The following GHR variants were observed in gnomAD, a reference collection of about 807,000 sequenced individuals.
The protein encoded by GHR is growth hormone receptor, also known as GH receptor.
A neutral mutation model predicts 67.1 loss-of-function variants in GHR; 35 were observed. The observed-to-expected ratio is 0.52, with a 90% confidence interval of 0.40 to 0.69. The LOEUF (loss-of-function observed/expected upper bound fraction) is 0.69. Ranked by LOEUF, GHR falls within the 30% of genes least tolerant of loss-of-function variation. GHR has a pLI of 0.00. For missense variants in GHR, 792 were observed against 764.6 expected (o/e 1.04, Z -0.42); for synonymous variants, 272 against 269.1 (o/e 1.01, Z -0.10).
At chr5:42,628,270 C>G (rs997479014) in intron 2 of GHR, among the ~76,000 whole-genome samples, 1 of 151,506 alleles carries the variant, frequency 6.6e-6, no homozygotes, top group Non-Finnish European at 1.5e-5. Flanking sequence ...GACATGAAAA[C>G]GGAAATGCCT....
At chr5:42,519,698 A>G (rs1397397846) in intron 1 of GHR, among the ~76,000 whole-genome samples, 1 of 152,198 alleles carries the variant, frequency 6.6e-6, no homozygotes, top group African/African-American at 2.4e-5. Context: ...CATTTTAAAT[A>G]AAGTTGACCA....
chr5:42,436,106 T>G (rs1200593750), intron 1 of GHR, among the ~76,000 whole-genome samples: 1 of 152,218 alleles, frequency 6.6e-6, no homozygotes, highest in African/African-American at 2.4e-5. Context: ...GAACTGAGTC[T>G]GTACACTGTG....
At chr5:42,711,118 C>A in intron 6 of GHR, 89 bp from the exon 7 acceptor site, 1 of 950,178 alleles carries the variant, frequency 1.1e-6, no homozygotes, top group Non-Finnish European at 1.7e-6. Context: ...AAAATCCATT[C>A]TGAATAAAAA....
chr5:42,498,322 G>C (rs1391077452), intron 1 of GHR, among the ~76,000 whole-genome samples: 1 of 152,188 alleles, frequency 6.6e-6, no homozygotes, highest in African/African-American at 2.4e-5. Flanking sequence ...ATTCTCCCTT[G>C]AGTCTGGAGA....
intron 1 of GHR, among the ~76,000 whole-genome samples, chr5:42,472,737 T>C (rs954065220): frequency 1.3e-5 from 2 of 152,196 alleles, no homozygotes; most frequent in African/African-American, 4.8e-5. Context: ...CAGCCTGGCC[T>C]CTAAGGGAAA....
intron 4 of GHR, 36 bp downstream of exon 4, chr5:42,689,055 T>C: frequency 6.3e-7 from 1 of 1,583,420 alleles, no homozygotes; most frequent in Non-Finnish European, 8.7e-7. Flanking sequence ...TTCCTCTCCA[T>C]GGATGTACCT....
At chr5:42,538,492 G>A (rs989870711) in intron 1 of GHR, among the ~76,000 whole-genome samples, 99 of 152,272 alleles carry the variant, frequency 6.5e-4, no homozygotes, top group African/African-American at 2.3e-3. Context: ...TGAGGAGGCT[G>A]AAGATAGGGG....
chr5:42,672,288 C>A (rs1006839376), intron 3 of GHR, among the ~76,000 whole-genome samples: 1 of 152,164 alleles, frequency 6.6e-6, no homozygotes, highest in African/African-American at 2.4e-5. Flanking sequence ...TAAACAACTT[C>A]AGTAAAGTTT....
intron 3 of GHR, 107 bp downstream of exon 3, chr5:42,629,210 A>G (rs545400213): frequency 1.5e-6 from 1 of 684,472 alleles, no homozygotes; most frequent in Admixed American, 2.2e-5. Flanking sequence ...TAACTGGAAT[A>G]GTGACTGAGT....
chr5:42,570,440 A>T (rs1750226282), intron 2 of GHR, among the ~76,000 whole-genome samples: 1 of 152,260 alleles, frequency 6.6e-6, no homozygotes, highest in South Asian at 2.1e-4. Flanking sequence ...GCCAATGTAG[A>T]TAATGACACA....
intron 2 of GHR, among the ~76,000 whole-genome samples, chr5:42,624,605 A>G (rs143399097): frequency 7.2e-5 from 11 of 152,298 alleles, no homozygotes; most frequent in Non-Finnish European, 1.0e-4. Context: ...TTATTACTGC[A>G]TGTATGCCAT....
intron 5 of GHR, among the ~76,000 whole-genome samples, chr5:42,695,771 GA>G (rs1287671925): frequency 6.6e-6 from 1 of 152,130 alleles, no homozygotes; most frequent in Admixed American, 6.5e-5. Flanking sequence ...AAAATAGAAA[GA>G]ATCAAAGAAG....
At chr5:42,647,564 A>G (rs1369755762) in intron 3 of GHR, 1 of 400,978 alleles carries the variant, frequency 2.5e-6, no homozygotes, top group South Asian at 1.8e-5. Context: ...ACAGAGCAAG[A>G]CTGCGTCTCC....
chr5:42,477,229 G>A (rs1173010120), intron 1 of GHR, among the ~76,000 whole-genome samples: 3 of 152,062 alleles, frequency 2.0e-5, no homozygotes, highest in African/African-American at 7.2e-5. Flanking sequence ...TTTTATGGCT[G>A]CATAGTATTC....
At chr5:42,443,645 G>T (rs1288322317) in intron 1 of GHR, among the ~76,000 whole-genome samples, 1 of 151,894 alleles carries the variant, frequency 6.6e-6, no homozygotes, top group East Asian at 1.9e-4. Flanking sequence ...TTTATTTTAA[G>T]AGATTGGCTC....
intron 1 of GHR, among the ~76,000 whole-genome samples, chr5:42,533,018 C>G (rs1748048842): frequency 6.6e-6 from 1 of 152,110 alleles, no homozygotes; most frequent in Non-Finnish European, 1.5e-5. Context: ...CCAAATTGCT[C>G]TGCAAAGTAC....
chr5:42,574,102 C>T (rs1750496619), intron 2 of GHR, among the ~76,000 whole-genome samples: 1 of 152,170 alleles, frequency 6.6e-6, no homozygotes, highest in African/African-American at 2.4e-5. Flanking sequence ...CTCTACATGC[C>T]ACTGACCCAC....
chr5:42,660,864 A>C (rs1488209296), intron 3 of GHR, among the ~76,000 whole-genome samples: 1 of 152,190 alleles, frequency 6.6e-6, no homozygotes, highest in African/African-American at 2.4e-5. Context: ...CTCTGAAAAA[A>C]ATTTAGAAGA....
chr5:42,628,100 C>CCT (rs924452182), intron 2 of GHR, among the ~76,000 whole-genome samples: 11 of 151,446 alleles, frequency 7.3e-5, no homozygotes, highest in Non-Finnish European at 1.3e-4. Context: ...GTTCCTCTTC[C>CCT]CTCTCTCTCT....
Sources: allele counts gnomAD v4.1 joint callset (sites outside exome capture counted in the v4.1 genomes callset), GRCh38; gene constraint gnomAD v4.1.1; transcripts MANE v1.5; gene names NCBI Gene and HGNC (gene_info 2026-07-23, HGNC 2026-07-21).